The following FRMD4A variants were observed in gnomAD, a reference collection of about 807,000 sequenced individuals.
FRMD4A encodes FERM domain containing 4A.
Under a neutral mutation model 129.1 loss-of-function variants are expected in FRMD4A, and 29 were observed. That is an observed-to-expected ratio of 0.22 (90% confidence interval 0.17 to 0.31). The LOEUF (loss-of-function observed/expected upper bound fraction) is 0.31. Ranked by LOEUF, FRMD4A falls within the 10% of genes least tolerant of loss-of-function variation. FRMD4A has a pLI of 1.00. For synonymous variants in FRMD4A, 634 were observed against 571.6 expected (o/e 1.11, Z -1.56); for missense variants, 1,272 against 1,375.8 (o/e 0.92, Z 1.19).
At chr10:14,053,377 C>A (rs949167439) in intron 2 of FRMD4A, among the ~76,000 whole-genome samples, 2 of 152,154 alleles carry the variant, frequency 1.3e-5, no homozygotes. Flanking sequence ...GATTACGGGG[C>A]AAGGGTGTGC....
intron 2 of FRMD4A, among the ~76,000 whole-genome samples, chr10:13,915,845 T>C (rs1366537669): frequency 6.6e-6 from 1 of 152,180 alleles, no homozygotes; most frequent in Non-Finnish European, 1.5e-5. Context: ...AGGGAATCCC[T>C]GCTCCCTGTG....
chr10:14,307,971 T>G (rs1273072803), intron 2 of FRMD4A, among the ~76,000 whole-genome samples: 1 of 151,278 alleles, frequency 6.6e-6, no homozygotes, highest in Non-Finnish European at 1.5e-5. Context: ...AGATGAGTTG[T>G]TGAAGGCTGG....
At chr10:14,320,976 G>A (rs1178398451) in intron 2 of FRMD4A, among the ~76,000 whole-genome samples, 1 of 152,198 alleles carries the variant, frequency 6.6e-6, no homozygotes, top group African/African-American at 2.4e-5. Flanking sequence ...CTCTAAAGCT[G>A]TCTTCCAAGC....
intron 2 of FRMD4A, among the ~76,000 whole-genome samples, chr10:14,257,797 C>T (rs1012262340): frequency 6.6e-6 from 1 of 152,190 alleles, no homozygotes; most frequent in Admixed American, 6.5e-5. Context: ...AGAAAGCATC[C>T]AAACCTAGAG....
chr10:13,900,588 C>T (rs1331582801), intron 2 of FRMD4A, among the ~76,000 whole-genome samples: 1 of 152,092 alleles, frequency 6.6e-6, no homozygotes, highest in East Asian at 1.9e-4. Flanking sequence ...TGTTTATTTA[C>T]TCAGAAATAT....
chr10:14,025,350 A>G (rs1267836459), intron 2 of FRMD4A, among the ~76,000 whole-genome samples: 2 of 151,930 alleles, frequency 1.3e-5, no homozygotes, highest in African/African-American at 4.8e-5. Context: ...AATATACCTC[A>G]CATAAATTTT....
chr10:14,164,559 G>A (rs184763937), intron 2 of FRMD4A, among the ~76,000 whole-genome samples: 24 of 152,318 alleles, frequency 1.6e-4, no homozygotes, highest in African/African-American at 5.5e-4. Flanking sequence ...GTAAGGTGAG[G>A]TGGGACTCAG....
At chr10:14,127,960 TTCTTTCTTTCTTTCTTTCCTTC>T (rs1231713210) in intron 2 of FRMD4A, among the ~76,000 whole-genome samples, 114 of 31,920 alleles carry the variant, frequency 3.6e-3, no homozygotes, top group African/African-American at 0.011. Flanking sequence ...CTTTCTTTCT[TTCTTTCTTTCTTTCTTTCCTTC>T]TCTCTCTCTC....
intron 6 of FRMD4A, among the ~76,000 whole-genome samples, chr10:13,769,236 T>TGC (rs1429859771): frequency 1.5e-4 from 22 of 151,574 alleles, no homozygotes; most frequent in African/African-American, 4.9e-4. Context: ...TGTGTGTGTG[T>TGC]GTGCGTATGT....
chr10:14,173,606 G>A (rs572093511), intron 2 of FRMD4A, among the ~76,000 whole-genome samples: 25 of 152,002 alleles, frequency 1.6e-4, no homozygotes, highest in Non-Finnish European at 2.8e-4. Flanking sequence ...TCAAGTGGGA[G>A]CTGGGCACAC....
At chr10:14,304,777 CA>C (rs1846291981) in intron 2 of FRMD4A, among the ~76,000 whole-genome samples, 1 of 152,172 alleles carries the variant, frequency 6.6e-6, no homozygotes, top group Non-Finnish European at 1.5e-5. Context: ...TTACAAATGC[CA>C]AATCAGAAGT....
In FRMD4A at chr10:13,654,528, G is replaced by C. The variant is rs750952078; in HGVS notation, c.2954-16C>G. The stretch of plus-strand genomic sequence containing the variant: ...GGTAAGGCAGCTACATGCAGGTGGT[G>C]CAAGAAAGGCAGAGAGCAGACAGGG... On this transcript the variant is annotated splice_polypyrimidine_tract_variant and intron_variant, in intron 22 of 24. Transcript: ENST00000357447. 4.0e-5 allele frequency: 62 copies of C among 1,534,494 alleles called. No individual in the cohort carries two copies. In the East Asian group the frequency reaches 1.4e-3, roughly 34 times the overall value.
chr10:13,896,182 G>A (rs1475941500), intron 2 of FRMD4A, among the ~76,000 whole-genome samples: 1 of 152,076 alleles, frequency 6.6e-6, no homozygotes, highest in Admixed American at 6.5e-5. Context: ...TATACCCAAA[G>A]GATTATAAAT....
chr10:14,060,714 A>G (rs2131701583), intron 2 of FRMD4A, among the ~76,000 whole-genome samples: 1 of 152,352 alleles, frequency 6.6e-6, no homozygotes, highest in African/African-American at 2.4e-5. Context: ...TGGGTGATCA[A>G]GGCAACATTC....
intron 2 of FRMD4A, among the ~76,000 whole-genome samples, chr10:13,906,769 T>C (rs2094886323): frequency 6.6e-6 from 1 of 152,180 alleles, no homozygotes; most frequent in Non-Finnish European, 1.5e-5. Flanking sequence ...ATCCCTGTCC[T>C]CTGAGTGCAC....
chr10:13,810,801 A>T lies in FRMD4A; in HGVS notation c.206+13T>A. 7.2e-7 allele frequency: 1 copy of T among 1,395,104 alleles called. No individual in the cohort carries two copies. The highest frequency in any genetic ancestry group is 1.2e-5 in the South Asian group (1 of 86,022). The allele number at this position is 1,395,104 out of a possible 1,614,324, so 86.4% of individuals were successfully genotyped here. On this transcript the variant is annotated intron_variant, in intron 4 of 24. Coordinates refer to ENST00000357447, the MANE Select transcript of FRMD4A (RefSeq NM_018027.5). ...TCTCCCTTCGGGCTGTGAGGGCTCA[A>T]GGCAGTACTTACGTTTCATCTGTGA...
At chr10:13,798,563 A>C (rs2093176103) in intron 4 of FRMD4A, among the ~76,000 whole-genome samples, 1 of 152,042 alleles carries the variant, frequency 6.6e-6, no homozygotes, top group Admixed American at 6.5e-5. Context: ...AAAAAATACG[A>C]AAAATTAGCC....
At chr10:14,090,454 C>T (rs1836595579) in intron 2 of FRMD4A, among the ~76,000 whole-genome samples, 1 of 152,172 alleles carries the variant, frequency 6.6e-6, no homozygotes, top group African/African-American at 2.4e-5. Flanking sequence ...GACAGTCAAC[C>T]AGCCCGTGGG....
chr10:13,894,112 C>A (rs1398224166), intron 2 of FRMD4A, among the ~76,000 whole-genome samples: 2 of 152,162 alleles, frequency 1.3e-5, no homozygotes, highest in African/African-American at 2.4e-5. Context: ...GTCATGAGGG[C>A]AGCCCCTTAT....
Sources: gnomAD v4.1 joint callset for allele counts (sites outside exome capture counted in the v4.1 genomes callset) on GRCh38, gnomAD v4.1.1 for gene constraint, MANE v1.5 for transcripts, NCBI Gene and HGNC (gene_info 2026-07-23, HGNC 2026-07-21) for gene names.